SLC25A21: variants seen among roughly 807,000 people sequenced by gnomAD.
SLC25A21 encodes solute carrier family 25 member 21, also known as mitochondrial 2-oxodicarboxylate carrier.
SLC25A21 carries 47 observed loss-of-function variants against 43.8 expected under a neutral mutation model. That is an observed-to-expected ratio of 1.07 (90% CI 0.85 to 1.37). The LOEUF (loss-of-function observed/expected upper bound fraction) is 1.37. Among genes scored for constraint, SLC25A21 ranks in the 40% most tolerant of loss-of-function variants. SLC25A21 has a pLI of 0.00. For synonymous variants in SLC25A21, 131 were observed against 121.3 expected, an observed-to-expected ratio of 1.08 and a Z score of -0.52; for missense variants, 352 against 350.2, an observed-to-expected ratio of 1.00 and a Z score of -0.04.
chr14:36,787,728 AATT>A (rs1887303064), intron 3 of SLC25A21, among the ~76,000 whole-genome samples: 1 of 152,220 alleles, frequency 6.6e-6, no homozygotes, highest in African/African-American at 2.4e-5. Context: ...AGTCTTTAAA[AATT>A]ATTACTTCTT....
rs140657266 is a variant in SLC25A21, at chr14:37,007,600, A to AAATAAT, written c.71-132602_71-132597dup. 5.0e-3 allele frequency among the ~76,000 whole-genome samples: 747 copies of AAATAAT among 148,108 alleles called. 7 individuals carry two copies. The highest frequency in any genetic ancestry group is 0.016 in the African/African-American group (628 of 39,762). ...CCTGACAGACAAGACTCCCTCTCAAAAATAATAATAATAATAATAATAAAG... is the reference window on the plus strand; with the variant it reads ...CCTGACAGACAAGACTCCCTCTCAAAAATAATAATAATAATAATAATAATAATAAAG... On this transcript the variant is annotated intron_variant, in intron 1 of 9. Coordinates refer to ENST00000331299, the MANE Select transcript of SLC25A21 (RefSeq NM_030631.4).
chr14:37,052,295 A>T (rs1433080987), intron 1 of SLC25A21, among the ~76,000 whole-genome samples: 1 of 152,194 alleles, frequency 6.6e-6, no homozygotes, highest in Non-Finnish European at 1.5e-5. Flanking sequence ...AAAAATCGAT[A>T]GTATAAACTT....
At chr14:37,002,904 A>G (rs1166799394) in intron 1 of SLC25A21, among the ~76,000 whole-genome samples, 2 of 152,164 alleles carry the variant, frequency 1.3e-5, no homozygotes, top group Non-Finnish European at 2.9e-5. Context: ...ATAATTTAAG[A>G]CTGTCTGGCA....
intron 2 of SLC25A21, among the ~76,000 whole-genome samples, chr14:36,829,653 C>T (rs1888962401): frequency 6.6e-6 from 1 of 152,162 alleles, no homozygotes; most frequent in Non-Finnish European, 1.5e-5. Flanking sequence ...CACTGCAAAA[C>T]CATATCACAG....
chr14:36,918,896 TTC>T (rs1041997833), intron 1 of SLC25A21, among the ~76,000 whole-genome samples: 1 of 152,038 alleles, frequency 6.6e-6, no homozygotes, highest in African/African-American at 2.4e-5. Flanking sequence ...AAATTTTTCT[TTC>T]TCTCTCTCTT....
At chr14:37,004,915 G>A (rs1960565115) in intron 1 of SLC25A21, among the ~76,000 whole-genome samples, 2 of 143,440 alleles carry the variant, frequency 1.4e-5, no homozygotes, top group Admixed American at 1.4e-4. Flanking sequence ...AAGAAGAATG[G>A]CAGGGAAGGA....
chr14:36,828,268 G>A (rs1007256365), intron 2 of SLC25A21, among the ~76,000 whole-genome samples: 2 of 152,166 alleles, frequency 1.3e-5, no homozygotes, highest in Non-Finnish European at 1.5e-5. Context: ...GATACATCCA[G>A]GGATACTCCC....
intron 1 of SLC25A21, among the ~76,000 whole-genome samples, chr14:37,056,436 A>G (rs1268207479): frequency 6.6e-6 from 1 of 151,090 alleles, no homozygotes; most frequent in African/African-American, 2.4e-5. Context: ...GTGTGCAGTG[A>G]GCCGAGATCG....
intron 1 of SLC25A21, among the ~76,000 whole-genome samples, chr14:37,063,994 AAAGCAT>A (rs1222770028): frequency 6.6e-6 from 1 of 152,196 alleles, no homozygotes; most frequent in Admixed American, 6.5e-5. Context: ...GATAACTGGT[AAAGCAT>A]TACTTTCAGG....
At chr14:37,060,113 G>A (rs978565715) in intron 1 of SLC25A21, among the ~76,000 whole-genome samples, 4 of 151,764 alleles carry the variant, frequency 2.6e-5, no homozygotes, top group African/African-American at 4.8e-5. Context: ...CCAGTGTGAC[G>A]GTATTAGGAG....
At chr14:36,994,818 A>T (rs1960337764) in intron 1 of SLC25A21, among the ~76,000 whole-genome samples, 1 of 152,122 alleles carries the variant, frequency 6.6e-6, no homozygotes, top group South Asian at 2.1e-4. Flanking sequence ...ACGTGGCATT[A>T]AACCAATGCA....
chr14:37,118,380 C>T (rs1421444277), intron 1 of SLC25A21, among the ~76,000 whole-genome samples: 1 of 130,290 alleles, frequency 7.7e-6, no homozygotes, highest in Non-Finnish European at 1.7e-5. Flanking sequence ...AGCTCCCATT[C>T]CCCAGCCACC....
chr14:36,910,502 G>A (rs1209990809), intron 1 of SLC25A21, among the ~76,000 whole-genome samples: 1 of 152,142 alleles, frequency 6.6e-6, no homozygotes, highest in Non-Finnish European at 1.5e-5. Context: ...TGTAACATTA[G>A]CTTGGATGAG....
At chr14:37,050,217 A>C (rs1961674994) in intron 1 of SLC25A21, among the ~76,000 whole-genome samples, 1 of 152,238 alleles carries the variant, frequency 6.6e-6, no homozygotes, top group Non-Finnish European at 1.5e-5. Context: ...GAAGTGTTTC[A>C]AAATTAATAT....
intron 2 of SLC25A21, among the ~76,000 whole-genome samples, chr14:36,862,183 T>C (rs771995210): frequency 1.3e-5 from 2 of 152,160 alleles, no homozygotes; most frequent in African/African-American, 4.8e-5. Flanking sequence ...AGTTCAGCCA[T>C]TGTGGAAGAC....
intron 3 of SLC25A21, among the ~76,000 whole-genome samples, chr14:36,745,210 A>G (rs1885444116): frequency 2.0e-5 from 3 of 152,084 alleles, no homozygotes. Context: ...TCCATGGTGT[A>G]TATGTGCCAC....
At chr14:36,737,492 T>C (rs982126751) in intron 3 of SLC25A21, among the ~76,000 whole-genome samples, 2 of 152,114 alleles carry the variant, frequency 1.3e-5, no homozygotes, top group Non-Finnish European at 1.5e-5. Context: ...AAATTGAGAA[T>C]GAGCAATTTT....
chr14:36,802,740 G>A (rs753248572), intron 3 of SLC25A21, among the ~76,000 whole-genome samples: 11 of 152,160 alleles, frequency 7.2e-5, no homozygotes, highest in Non-Finnish European at 1.5e-4. Context: ...TTGGATGACC[G>A]GAATTTCCAC....
chr14:36,779,211 T>C (rs1886943902), intron 3 of SLC25A21, among the ~76,000 whole-genome samples: 1 of 146,798 alleles, frequency 6.8e-6, no homozygotes, highest in Admixed American at 6.9e-5. Flanking sequence ...TAATATTACA[T>C]ATATTACATA....
Sources: allele counts gnomAD v4.1 joint callset (sites outside exome capture counted in the v4.1 genomes callset), GRCh38; gene constraint gnomAD v4.1.1; transcripts MANE v1.5; gene names NCBI Gene and HGNC (gene_info 2026-07-23, HGNC 2026-07-21).